Variants in TEX11 observed in about 807,000 individuals in gnomAD.
The protein encoded by TEX11 is testis-expressed protein 11.
TEX11 carries 7 observed loss-of-function variants against 84.4 expected under a neutral mutation model. The observed-to-expected ratio is 0.08, with a 90% CI of 0.05 to 0.16. The LOEUF (loss-of-function observed/expected upper bound fraction) is 0.16, where lower values mean the gene tolerates loss of function less well. Ranked by LOEUF, TEX11 falls within the 10% of genes least tolerant of loss-of-function variation. The pLI is 1.00. For synonymous variants in TEX11, 264 were observed against 222.8 expected, an observed-to-expected ratio of 1.18 and a Z score of -1.64; for missense variants, 551 against 660.5, an observed-to-expected ratio of 0.83 and a Z score of 1.82.
intron 17 of TEX11, among the ~76,000 whole-genome samples, chrX:70,644,148 G>A (rs1201309908): frequency 9.9e-6 from 1 of 101,300 alleles, no homozygotes; most frequent in African/African-American, 3.6e-5. Context: ...AGACATTTAT[G>A]CAGCCAAAAA....
At chrX:70,831,293 T>C (rs1308557047) in intron 8 of TEX11, among the ~76,000 whole-genome samples, 1 of 111,079 alleles carries the variant, frequency 9.0e-6, no homozygotes, top group East Asian at 2.8e-4. Flanking sequence ...GAAAGGTGGT[T>C]GCCAGGGGGT....
At chrX:70,719,213 G>C (rs1321281022) in intron 13 of TEX11, among the ~76,000 whole-genome samples, 1 of 111,857 alleles carries the variant, frequency 8.9e-6, no homozygotes, top group Non-Finnish European at 1.9e-5. Flanking sequence ...TTTTAGGACA[G>C]TGTTTCCTGG....
chrX:70,881,536 A>G (rs2091683414), intron 2 of TEX11, among the ~76,000 whole-genome samples: 1 of 110,994 alleles, frequency 9.0e-6, no homozygotes, highest in African/African-American at 3.3e-5. Flanking sequence ...CTTCTAAAAG[A>G]TTTTTAAGCT....
intron 25 of TEX11, among the ~76,000 whole-genome samples, chrX:70,571,666 G>A (rs2088601229): frequency 8.9e-6 from 1 of 111,749 alleles, no homozygotes; most frequent in Admixed American, 9.6e-5. Flanking sequence ...TTCTGTTGTT[G>A]CTTTCTCATT....
intron 13 of TEX11, among the ~76,000 whole-genome samples, chrX:70,706,392 C>T (rs1289732783): frequency 9.1e-6 from 1 of 110,018 alleles, no homozygotes; most frequent in Non-Finnish European, 1.9e-5. Context: ...ACCATCATGG[C>T]GCATGTATAC....
chrX:70,608,889 A>G (rs148121343), intron 22 of TEX11, among the ~76,000 whole-genome samples: 1 of 112,024 alleles, frequency 8.9e-6, no homozygotes, highest in African/African-American at 3.2e-5. Context: ...TACTATGAAA[A>G]AAGTATATAT....
intron 20 of TEX11, among the ~76,000 whole-genome samples, chrX:70,614,583 C>A (rs2089297442): frequency 8.9e-6 from 1 of 112,012 alleles, no homozygotes; most frequent in Non-Finnish European, 1.9e-5. Context: ...CCTGGGGGAA[C>A]TTGCTGCCCT....
chrX:70,587,869 C>T (rs1185383121), intron 25 of TEX11, among the ~76,000 whole-genome samples: 1 of 112,419 alleles, frequency 8.9e-6, no homozygotes, highest in Non-Finnish European at 1.9e-5. Context: ...GCAGAGCTGC[C>T]CAAGACGATG....
At chrX:70,530,635 A>C (rs1347377951) in intron 28 of TEX11, among the ~76,000 whole-genome samples, 2 of 112,186 alleles carry the variant, frequency 1.8e-5, no homozygotes, top group Non-Finnish European at 3.8e-5. Context: ...GATGGAACAC[A>C]AAGAAAGCAT....
At chrX:70,648,922 G>C (rs766388477) in intron 17 of TEX11, among the ~76,000 whole-genome samples, 72 of 109,710 alleles carry the variant, frequency 6.6e-4, no homozygotes, top group African/African-American at 2.3e-3. Flanking sequence ...CTGTGTCCAT[G>C]TGTTCTCATT....
At chrX:70,637,689 C>G (rs754635106) in intron 17 of TEX11, among the ~76,000 whole-genome samples, 6 of 110,796 alleles carry the variant, frequency 5.4e-5, no homozygotes, top group Non-Finnish European at 1.1e-4. Flanking sequence ...CATGTTCTCA[C>G]TTATAAGTGG....
At chrX:70,874,840 A>C (rs2091647532) in intron 3 of TEX11, among the ~76,000 whole-genome samples, 1 of 111,685 alleles carries the variant, frequency 9.0e-6, no homozygotes, top group Non-Finnish European at 1.9e-5. Context: ...TAGCTTAAAG[A>C]AGCTACTTGT....
chrX:70,566,493 G>A (rs1393520247), intron 25 of TEX11, among the ~76,000 whole-genome samples: 3 of 110,918 alleles, frequency 2.7e-5, no homozygotes, highest in Non-Finnish European at 3.8e-5. Flanking sequence ...AGTTTTCAAA[G>A]GGAATGCTTC....
chrX:70,721,121 G>A (rs977454531), intron 13 of TEX11, among the ~76,000 whole-genome samples: 2 of 111,611 alleles, frequency 1.8e-5, no homozygotes, highest in African/African-American at 3.2e-5. Flanking sequence ...AATTTATAAT[G>A]TAAGGAATTT....
Position 70,587,237 on chromosome X carries a change from G to A in TEX11, c.2140+4514C>T, listed in dbSNP as rs1223613742. Among the ~76,000 whole-genome samples the A allele has an allele frequency of 1.1e-4, 12 of 112,418 alleles. No individual in the cohort carries two copies. In the East Asian group the frequency reaches 3.4e-3, roughly 32 times the overall value. On this transcript the variant is annotated intron_variant, in intron 25 of 29. Coordinates refer to ENST00000374333, the MANE Select transcript of TEX11 (RefSeq NM_031276.3). ...TGCAGATATTTGCATAAGTAATGAG[G>A]AGCCCAATGTTAATCACAAAGACAA...
At chrX:70,901,529 T>C (rs2091803297) in intron 2 of TEX11, among the ~76,000 whole-genome samples, 1 of 111,900 alleles carries the variant, frequency 8.9e-6, no homozygotes, top group Non-Finnish European at 1.9e-5. Flanking sequence ...ATGAAACTGT[T>C]CTACCTCAGA....
intron 2 of TEX11, among the ~76,000 whole-genome samples, chrX:70,884,161 T>G: frequency 8.9e-6 from 1 of 112,912 alleles, no homozygotes; most frequent in East Asian, 2.8e-4. Context: ...AAGGAAGATA[T>G]TTTTATTTCA....
chrX:70,744,331 CT>C (rs1184017367), intron 9 of TEX11, 112 bp from the exon 10 acceptor site: 1 of 245,633 alleles, frequency 4.1e-6, no homozygotes. Context: ...TATAAGCATA[CT>C]TTATTCCAAC....
At chrX:70,814,088 T>C (rs2091273516) in intron 8 of TEX11, among the ~76,000 whole-genome samples, 1 of 111,525 alleles carries the variant, frequency 9.0e-6, no homozygotes, top group African/African-American at 3.3e-5. Context: ...CTTCACAGAA[T>C]TGGAAAAAAC....
Sources: gnomAD v4.1 joint callset for allele counts (sites outside exome capture counted in the v4.1 genomes callset) on GRCh38, gnomAD v4.1.1 for gene constraint, MANE v1.5 for transcripts, NCBI Gene and HGNC (gene_info 2026-07-23, HGNC 2026-07-21) for gene names.